The following TTLL3 variants were observed in gnomAD, a reference collection of about 807,000 sequenced individuals.
TTLL3 encodes the protein tubulin tyrosine ligase like 3.
A neutral mutation model predicts 75.2 loss-of-function variants in TTLL3; 63 were observed. The ratio of observed to expected loss-of-function variants is 0.84; its 90% CI spans 0.68 to 1.03. The LOEUF (loss-of-function observed/expected upper bound fraction) is 1.03, where lower values mean the gene tolerates loss of function less well. TTLL3 is among the 50% of genes least tolerant of loss of function. TTLL3 has a pLI of 0.00. For missense variants in TTLL3, 997 were observed against 1,069.9 expected, an observed-to-expected ratio of 0.93 and a Z score of 0.95; for synonymous variants, 393 against 418.5, an observed-to-expected ratio of 0.94 and a Z score of 0.74.
At chr3:9,817,553 A>G (rs2080002815) in intron 5 of TTLL3, 92 bp from the exon 6 acceptor site, 2 of 1,599,592 alleles carry the variant, frequency 1.3e-6, no homozygotes, top group Non-Finnish European at 1.7e-6. Flanking sequence ...CAAGGCTCTG[A>G]GCGCAGATCC....
rs1207021257 is a variant in TTLL3, at chr3:9,822,772, C to CAT, written c.854+2044_854+2045dup. 2.3e-3 allele frequency among the ~76,000 whole-genome samples: 324 copies of CAT among 141,828 alleles called. 2 individuals carry two copies. The highest frequency in any genetic ancestry group is 8.7e-3 in the East Asian group (41 of 4,694). The allele number at this position is 141,828 out of a possible 152,430, so 93.0% of individuals were successfully genotyped here. On this transcript the variant is annotated intron_variant, in intron 8 of 13. Coordinates refer to ENST00000685419, the MANE Select transcript of TTLL3 (RefSeq NM_001387446.1). ...TAATATATATAATACATAATATATA[C>CAT]ATATATATATATATTTTTTAGAGAC... is the stretch of plus-strand genomic sequence containing the variant.
chr3:9,829,081 A>T lies in TTLL3; in HGVS notation c.1369A>T (p.Met457Leu). 6.2e-7 allele frequency: 1 copy of T among 1,614,234 alleles called. No individual in the cohort carries two copies. The highest frequency in any genetic ancestry group is 1.6e-4 in the Middle Eastern group (1 of 6,062). ...SQRFQAHLQE[M>L]GAPNAWSTII... ...GAGGTTCCAGGCCCACCTGCAGGAG[A>T]TGGGTGCCCCAAATGCTTGGTCCAC... The change falls in exon 11 of 14, where the codon ATG (methionine) becomes TTG (leucine). Residue 457 changes from methionine to leucine, a missense_variant. Transcript: ENST00000685419.
At chr3:9,809,947 C>A (rs1460437075), upstream of TTLL3, 2 of 148,082 alleles carry the variant, frequency 1.4e-5, no homozygotes, top group Non-Finnish European at 2.1e-5. Context: ...GGAGAGGAGG[C>A]GGCGACGCGG....
intron 4 of TTLL3, among the ~76,000 whole-genome samples, chr3:9,814,560 A>G (rs2079646920): frequency 6.6e-6 from 1 of 151,846 alleles, no homozygotes; most frequent in Non-Finnish European, 1.5e-5. Flanking sequence ...AGGCAGGAGA[A>G]TTGCTTGAAT....
Position 9,812,975 on chromosome 3 carries a change from C to G in TTLL3, c.81C>G (p.Tyr27Ter), listed in dbSNP as rs757868653. The change falls in exon 3 of 14, where the codon TAC becomes TAG. Residue 27 changes from tyrosine to a stop codon, truncating the protein, a stop_gained. Transcript: ENST00000685419. LOFTEE classifies it high-confidence loss of function. ...QKKIFTIQGC[Y>*]PVIRCLLRRR... ...AGATCTTTACAATCCAAGGCTGCTACCCGGTGATCCGGTGTCTCTTGCGCC... is the reference window on the plus strand; with the variant it reads ...AGATCTTTACAATCCAAGGCTGCTAGCCGGTGATCCGGTGTCTCTTGCGCC... 22 of 1,530,206 alleles carry G rather than the reference C, an allele frequency of 1.4e-5. No homozygotes were observed. Among genetic ancestry groups the G allele is most frequent in the Admixed American group, 2.2e-5 (1 of 46,414 alleles). 94.8% of individuals were successfully genotyped at this position (1,530,206 alleles called of 1,614,324 possible).
rs1275876769 is a variant in TTLL3, at chr3:9,810,360, G to A, written c.-76G>A. ...CGGATACCCACCCCCTCGGCCCCCC[G>A]CACACCCCGGTCCTCGACCCCTCTC... On this transcript the variant is annotated 5_prime_UTR_variant, in exon 1 of 14. Coordinates refer to ENST00000685419, the MANE Select transcript of TTLL3 (RefSeq NM_001387446.1). The surrounding 1 kb of genome is among the most constrained non-coding windows in gnomAD (Gnocchi z 4.4). 5.8e-6 allele frequency: 8 copies of A among 1,367,584 alleles called. No individual in the cohort carries two copies. The highest frequency in any genetic ancestry group is 7.4e-6 in the Non-Finnish European group (8 of 1,077,854). The allele number at this position is 1,367,584 out of a possible 1,614,324, so 84.7% of individuals were successfully genotyped here. A position where few individuals can be genotyped will look rare whatever the true frequency, so the allele number is the denominator to read the frequency against.
At position 9,813,058 on chromosome 3, in the gene TTLL3, C is replaced by T; in HGVS notation, c.164C>T (p.Pro55Leu). 1 of 1,587,708 alleles carries T rather than the reference C, an allele frequency of 6.3e-7. No homozygotes were observed. The change falls in exon 3 of 14, where the codon CCC (proline) becomes CTC (leucine). Residue 55 changes from proline (P) to leucine (L), a missense_variant. Transcript: ENST00000685419. ...CGCTCAGGCCCCACCCTGCTGCCAC[C>T]CCAGAAGGATCTGGATAGCTCAGCG... ...VHRSGPTLLP[P>L]QKDLDSSAMG... is the part of the protein sequence containing the mutation.
chr3:9,815,788 G>A (rs1377009522), intron 4 of TTLL3, among the ~76,000 whole-genome samples: 1 of 152,250 alleles, frequency 6.6e-6, no homozygotes, highest in African/African-American at 2.4e-5. Flanking sequence ...GGGCTGACAA[G>A]CCTCATAGGA....
chr3:9,826,017 G>T, intron 9 of TTLL3, 69 bp downstream of exon 9: 1 of 1,572,286 alleles, frequency 6.4e-7, no homozygotes, highest in Non-Finnish European at 8.6e-7. Flanking sequence ...GGCCAAGGAA[G>T]TTAATAGTGC....
chr3:9,832,163 G>A (rs911452772), intron 11 of TTLL3, among the ~76,000 whole-genome samples: 9 of 136,642 alleles, frequency 6.6e-5, no homozygotes, highest in African/African-American at 2.2e-4. Context: ...TCGGCTCACT[G>A]CAACTTCTGT....
intron 5 of TTLL3, 98 bp from the exon 6 acceptor site, chr3:9,817,547 G>A (rs1263167127): frequency 2.5e-6 from 4 of 1,595,830 alleles, no homozygotes; most frequent in East Asian, 4.5e-5. Context: ...CGGGGCCAAG[G>A]CTCTGAGCGC....
chr3:9,835,675 T>C lies in TTLL3; in HGVS notation c.*186T>C, dbSNP rs1193333249. 6.7e-6 allele frequency: 4 copies of C among 597,204 alleles called. No homozygotes were observed. The East Asian group carries it at 1.2e-4, about 18-fold the overall frequency. 37.0% of individuals were successfully genotyped at this position (597,204 alleles called of 1,614,324 possible). On this transcript the variant is annotated 3_prime_UTR_variant, in exon 14 of 14. Coordinates refer to ENST00000685419, the MANE Select transcript of TTLL3 (RefSeq NM_001387446.1). The stretch of plus-strand genomic sequence containing the variant: ...TGGCTTACCCAAGATCACGTGGCAG[T>C]GAGTCGACGCAGGGACATATTGCCA...
At chr3:9,833,413 T>G in intron 12 of TTLL3, 168 bp downstream of exon 12, 2 of 1,100,738 alleles carry the variant, frequency 1.8e-6, no homozygotes, top group Non-Finnish European at 2.5e-6. Flanking sequence ...CCCCAATCTC[T>G]GGGAGTGGGA....
In TTLL3 at chr3:9,819,502, T is replaced by G. The variant is rs1006321651; in HGVS notation, c.658+582T>G. 13 of 988,932 alleles carry G rather than the reference T, an allele frequency of 1.3e-5. No individual in the cohort carries two copies. In the African/African-American group the frequency reaches 2.3e-4, roughly 17 times the overall value. The allele number at this position is 988,932 out of a possible 1,614,324, so 61.3% of individuals were successfully genotyped here. A position where few individuals can be genotyped will look rare whatever the true frequency, so the allele number is the denominator to read the frequency against. Reference sequence around the variant, plus strand: ...ATGGTCCGTCCCTGCCTGTGAGGAGTTCAGGTCTCTGAGGAGGAGGAAGCA... The same window carrying G: ...ATGGTCCGTCCCTGCCTGTGAGGAGGTCAGGTCTCTGAGGAGGAGGAAGCA... On this transcript the variant is annotated intron_variant, in intron 7 of 13. Transcript: ENST00000685419.
At chr3:9,817,389 A>C (rs917132059) in intron 5 of TTLL3, 34 of 971,226 alleles carry the variant, frequency 3.5e-5, no homozygotes, top group Non-Finnish European at 3.9e-5. Flanking sequence ...GCGCCACTGC[A>C]CTCCAGCCTG....
At chr3:9,821,656 G>A (rs182440596) in intron 8 of TTLL3, among the ~76,000 whole-genome samples, 22 of 152,280 alleles carry the variant, frequency 1.4e-4, no homozygotes, top group Admixed American at 1.1e-3. Context: ...CAGGTGGCCC[G>A]GTACTTTCTC....
upstream of TTLL3, chr3:9,810,198 A>C: frequency 6.7e-7 from 1 of 1,481,642 alleles, no homozygotes; most frequent in Non-Finnish European, 8.9e-7. The surrounding 1 kb of genome is among the most constrained non-coding windows in gnomAD (Gnocchi z 4.4). Context: ...GGAGGCTGCC[A>C]TGGGCCGGCC....
At chr3:9,809,860 A>C, upstream of TTLL3, 72 of 382,470 alleles carry the variant, frequency 1.9e-4, no homozygotes, top group Non-Finnish European at 2.5e-4. Flanking sequence ...TGCCCAGGGA[A>C]TGGTTTCCAA....
In TTLL3 at chr3:9,810,452, G is replaced by T. The variant is rs564682058; in HGVS notation, c.-42+58G>T. Reference sequence around the variant, plus strand: ...ACAGCGGCTGCGAGGACGACAAGACGCTGGGGTGGAGGGACTGGGGGTCGG... The same window carrying T: ...ACAGCGGCTGCGAGGACGACAAGACTCTGGGGTGGAGGGACTGGGGGTCGG... On this transcript the variant is annotated intron_variant, in intron 1 of 13. Transcript: ENST00000685419. This position sits in a 1 kb window ranked among gnomAD's most constrained non-coding sequence, Gnocchi z 4.4. 6 of 1,432,414 alleles carry T rather than the reference G, an allele frequency of 4.2e-6. No homozygotes were observed. The highest frequency in any genetic ancestry group is 2.9e-5 in the Admixed American group (1 of 34,648). The allele number at this position is 1,432,414 out of a possible 1,614,324, so 88.7% of individuals were successfully genotyped here.
Sources: allele counts gnomAD v4.1 joint callset (sites outside exome capture counted in the v4.1 genomes callset), GRCh38; gene constraint gnomAD v4.1.1; non-coding constraint Gnocchi (gnomAD v3.1); transcripts MANE v1.5; gene names NCBI Gene and HGNC (gene_info 2026-07-23, HGNC 2026-07-21).